SPTB: variants seen among roughly 807,000 people sequenced by gnomAD.
SPTB encodes the protein spectrin beta, erythrocytic, also known as spectrin beta chain, erythrocytic.
A neutral mutation model predicts 256.2 loss-of-function variants in SPTB; 45 were observed. That is an observed-to-expected ratio of 0.18 (90% CI 0.14 to 0.23). SPTB has a LOEUF of 0.23. Ranked by LOEUF, SPTB falls within the 10% of genes least tolerant of loss-of-function variation. SPTB has a pLI of 1.00. For synonymous variants in SPTB, 1,231 were observed against 1,243.1 expected, an observed-to-expected ratio of 0.99 and a Z score of 0.21; for missense variants, 2,715 against 3,040.4, an observed-to-expected ratio of 0.89 and a Z score of 2.52.
chr14:64,764,251 C>G lies in SPTB; in HGVS notation c.6345+2475G>C, dbSNP rs1442370501. 6.6e-6 allele frequency among the ~76,000 whole-genome samples: 1 copy of G among 152,220 alleles called. No homozygotes were observed. The highest frequency in any genetic ancestry group is 2.4e-5 in the African/African-American group (1 of 41,456). On this transcript the variant is annotated intron_variant, in intron 32 of 35. Coordinates refer to ENST00000644917, the MANE Select transcript of SPTB (RefSeq NM_001355436.2). This position sits in a 1 kb window ranked among gnomAD's most constrained non-coding sequence, Gnocchi z 4.2. ...TGGGCTTGCAAGGAGCCTTCTAGAGCCAGGTTGGGCTTTCCCGACAGGCTC... is the reference window on the plus strand; with the variant it reads ...TGGGCTTGCAAGGAGCCTTCTAGAGGCAGGTTGGGCTTTCCCGACAGGCTC...
In SPTB at chr14:64,787,626, T is replaced by A. The variant is rs546006111; in HGVS notation, c.2805-466A>T. Among the ~76,000 whole-genome samples, 3 of 152,096 alleles carry A rather than the reference T, an allele frequency of 2.0e-5. No homozygotes were observed. In the South Asian group the frequency reaches 6.2e-4, roughly 32 times the overall value. On this transcript the variant is annotated intron_variant, in intron 15 of 35. Coordinates refer to ENST00000644917, the MANE Select transcript of SPTB (RefSeq NM_001355436.2). ...AACGTCTCCTAGGGCCTGAAAGAGA[T>A]CACCTTGGATCTAAGAGAAAAGATG...
In SPTB at chr14:64,779,476, C is replaced by T. The variant is rs764867978; in HGVS notation, c.4474-230G>A. Among the ~76,000 whole-genome samples the T allele has an allele frequency of 6.6e-6, 1 of 152,150 alleles. No homozygotes were observed. Among genetic ancestry groups the T allele is most frequent in the Non-Finnish European group, 1.5e-5 (1 of 68,022 alleles). On this transcript the variant is annotated intron_variant, in intron 21 of 35. Coordinates refer to ENST00000644917, the MANE Select transcript of SPTB (RefSeq NM_001355436.2). The surrounding 1 kb of genome is among the most constrained non-coding windows in gnomAD (Gnocchi z 4.2). Reference sequence around the variant, plus strand: ...GTGGGAAGGTAATGTAGCTGGATCTCGAACCCAAGTCTGTCTGACCCAAGT... The same window carrying T: ...GTGGGAAGGTAATGTAGCTGGATCTTGAACCCAAGTCTGTCTGACCCAAGT...
At chr14:64,751,897 C>G (rs2081954918) in intron 33 of SPTB, among the ~76,000 whole-genome samples, 1 of 126,054 alleles carries the variant, frequency 7.9e-6, no homozygotes, top group Non-Finnish European at 1.7e-5. Context: ...GCCTGACCAA[C>G]AAGGTGAAAC....
At position 64,852,391 on chromosome 14, in the gene SPTB, G is replaced by A. The variant is rs1315947017; in HGVS notation, c.-52+27401C>T. ...GCTGGGGGCCAGACAAGGGGAACCT[G>A]AGCAGTGGGGAGTCAGTGAAGGGTG... On this transcript the variant is annotated intron_variant, in intron 1 of 35. Coordinates refer to ENST00000644917, the MANE Select transcript of SPTB (RefSeq NM_001355436.2). The surrounding 1 kb of genome is among the most constrained non-coding windows in gnomAD (Gnocchi z 4.2). Among the ~76,000 whole-genome samples, 1 of 152,194 alleles carries A rather than the reference G, an allele frequency of 6.6e-6. No homozygotes were observed. Among genetic ancestry groups the A allele is most frequent in the Non-Finnish European group, 1.5e-5 (1 of 68,024 alleles).
rs553755523 is a variant in SPTB at position 64,772,606 on chromosome 14, G to A, written c.5527C>T (p.Arg1843Trp). 3.4e-5 allele frequency: 55 copies of A among 1,610,200 alleles called. No homozygotes were observed. Among genetic ancestry groups the A allele is most frequent in the Non-Finnish European group, 4.2e-5 (50 of 1,179,904 alleles). The change falls in exon 26 of 36, where the codon CGG becomes TGG. Residue 1843 changes from arginine to tryptophan, a missense_variant. Arg to Trp is a moderately radical substitution (Grantham distance 101, BLOSUM62 -3). Transcript: ENST00000644917. The surrounding 1 kb of genome is among the most constrained non-coding windows in gnomAD (Gnocchi z 5.4). ...TGGACACCCAGCAGGTGGAGCTCCC[G>A]CTCGAAGGCTGTGTGCACCCGGTGG... ...SFHRVHTAFE[R>W]ELHLLGVQVQ...
chr14:64,765,906 T>G lies in SPTB; in HGVS notation c.6345+820A>C, dbSNP rs554946690. 6.1e-3 allele frequency among the ~76,000 whole-genome samples: 897 copies of G among 147,244 alleles called. 3 individuals are homozygous for G. Among genetic ancestry groups the G allele is most frequent in the African/African-American group, 0.012 (455 of 39,178 alleles). Reference sequence around the variant, plus strand: ...TGCGGTGTGTGCATGTGTGTGTGTGTGGGGGTGTGGTGTGTATGAGTGTGT... The same window carrying G: ...TGCGGTGTGTGCATGTGTGTGTGTGGGGGGGTGTGGTGTGTATGAGTGTGT... On this transcript the variant is annotated intron_variant, in intron 32 of 35. Coordinates refer to ENST00000644917, the MANE Select transcript of SPTB (RefSeq NM_001355436.2).
chr14:64,869,813 T>A (rs191607249), intron 1 of SPTB, among the ~76,000 whole-genome samples: 2 of 144,698 alleles, frequency 1.4e-5, no homozygotes, highest in Admixed American at 1.4e-4. Flanking sequence ...TTAATTTTTG[T>A]AGAGACAGGT....
intron 8 of SPTB, among the ~76,000 whole-genome samples, chr14:64,800,399 T>C (rs2082860584): frequency 6.6e-6 from 1 of 152,264 alleles, no homozygotes; most frequent in African/African-American, 2.4e-5. Context: ...TGAGGGTCTA[T>C]ACCAATGGGT....
intron 10 of SPTB, among the ~76,000 whole-genome samples, chr14:64,797,023 C>T (rs2139608509): frequency 6.6e-6 from 1 of 152,286 alleles, no homozygotes; most frequent in East Asian, 1.9e-4. Context: ...TGACTAATGG[C>T]TACCTCCGTT....
intron 32 of SPTB, 89 bp from the exon 33 acceptor site, chr14:64,753,882 C>T: frequency 2.6e-6 from 4 of 1,540,762 alleles, no homozygotes; most frequent in Admixed American, 1.7e-5. Flanking sequence ...TCAGCAGCCA[C>T]CCTCTCCACA....
intron 15 of SPTB, among the ~76,000 whole-genome samples, chr14:64,791,347 C>G (rs535884508): frequency 6.6e-6 from 1 of 151,954 alleles, no homozygotes; most frequent in Admixed American, 6.6e-5. Flanking sequence ...GTGGGCAGAT[C>G]GCTTGAGGCC....
chr14:64,749,292 G>A lies in SPTB; in HGVS notation c.*14C>T, dbSNP rs1216691672. 3.2e-6 allele frequency: 5 copies of A among 1,579,720 alleles called. No homozygotes were observed. Among genetic ancestry groups the A allele is most frequent in the East Asian group, 2.3e-5 (1 of 43,212 alleles). Reference sequence around the variant, plus strand: ...TGCGCGTCCCGACTCCGCCGCGCCCGCCAGCCCCACCTGCTACTTCTTTTT... The same window carrying A: ...TGCGCGTCCCGACTCCGCCGCGCCCACCAGCCCCACCTGCTACTTCTTTTT... On this transcript the variant is annotated 3_prime_UTR_variant, in exon 36 of 36. Coordinates refer to ENST00000644917, the MANE Select transcript of SPTB (RefSeq NM_001355436.2). This position sits in a 1 kb window ranked among gnomAD's most constrained non-coding sequence, Gnocchi z 4.7.
chr14:64,793,473 G>A lies in SPTB; in HGVS notation c.2190C>T (p.Asp730=). The A allele has an allele frequency of 6.2e-7, 1 of 1,614,128 alleles. No homozygotes were observed. The highest frequency in any genetic ancestry group is 1.3e-5 in the African/African-American group (1 of 75,066). The change falls in exon 14 of 36, where the codon GAC becomes GAT. Residue 730 remains aspartate, a synonymous_variant. Coordinates refer to ENST00000644917, the MANE Select transcript of SPTB (RefSeq NM_001355436.2). The surrounding 1 kb of genome is among the most constrained non-coding windows in gnomAD (Gnocchi z 7.0). ...GGTTCTTCTTGCAGAAGGCAGCCAG[G>A]TCCTTCAGCTGGTCCCACTGTGCCG... ...EVSAQWDQLK[D]LAAFCKKNLQ...
intron 1 of SPTB, among the ~76,000 whole-genome samples, chr14:64,856,928 C>G (rs1199980741): frequency 6.6e-6 from 1 of 152,170 alleles, no homozygotes. Context: ...GGGAAGGGAA[C>G]AAAGTTCTTG....
At chr14:64,762,163 G>A (rs2082104977) in intron 32 of SPTB, among the ~76,000 whole-genome samples, 1 of 152,192 alleles carries the variant, frequency 6.6e-6, no homozygotes, top group Admixed American at 6.5e-5. Flanking sequence ...CAGGCATACT[G>A]GGTAGACAGG....
Position 64,775,796 on chromosome 14 carries a change from T to C in SPTB, c.4564-393A>G, listed in dbSNP as rs2082347581. ...AGGAAAAGAAAAATGGCCTTTTTGA[T>C]ACCTTATTCTAACAGCTTTTGCAGG... On this transcript the variant is annotated intron_variant, in intron 22 of 35. Coordinates refer to ENST00000644917, the MANE Select transcript of SPTB (RefSeq NM_001355436.2). The surrounding 1 kb of genome is among the most constrained non-coding windows in gnomAD (Gnocchi z 5.0). 6.6e-6 allele frequency among the ~76,000 whole-genome samples: 1 copy of C among 152,218 alleles called. No homozygotes were observed. Among genetic ancestry groups the C allele is most frequent in the Admixed American group, 6.5e-5 (1 of 15,284 alleles).
rs2082575706 is a variant in SPTB, at chr14:64,786,662, C to A, written c.3303G>T (p.Gln1101His). ...ESLPEAEQLL[Q>H]QHAGIKDEID... ...TCTCATCCTTGATACCTGCATGCTG[C>A]TGCAGGAGCTGCTCAGCCTCTGGGA... Residue 1101 changes from glutamine to histidine, a missense_variant, in exon 16 of 36, where the codon CAG becomes CAT. Gln to His is a conservative substitution (Grantham distance 24). This residue lies in a region of SPTB where 2,239 missense variants were observed against 2,384.4 expected (regional missense o/e 0.94). Coordinates refer to ENST00000644917, the MANE Select transcript of SPTB (RefSeq NM_001355436.2). This position sits in a 1 kb window ranked among gnomAD's most constrained non-coding sequence, Gnocchi z 5.6. 1 of 1,613,990 alleles carries A rather than the reference C, an allele frequency of 6.2e-7. No individual in the cohort carries two copies. The highest frequency in any genetic ancestry group is 1.7e-5 in the Admixed American group (1 of 60,010).
rs999819099 is a variant in SPTB, at chr14:64,778,557, A to C, written c.4563+600T>G. On this transcript the variant is annotated intron_variant, in intron 22 of 35. Transcript: ENST00000644917. The surrounding 1 kb of genome is among the most constrained non-coding windows in gnomAD (Gnocchi z 5.2). Reference sequence around the variant, plus strand: ...GAGTGCTTGGCATCTGCTCACATCCAGGATCCTGACCAGGGCCACAGGAGT... The same window carrying C: ...GAGTGCTTGGCATCTGCTCACATCCCGGATCCTGACCAGGGCCACAGGAGT... Among the ~76,000 whole-genome samples the C allele has an allele frequency of 1.6e-4, 25 of 152,190 alleles. No individual in the cohort carries two copies. Among genetic ancestry groups the C allele is most frequent in the African/African-American group, 5.5e-4 (23 of 41,446 alleles).
chr14:64,822,152 C>A (rs957117652), intron 2 of SPTB, among the ~76,000 whole-genome samples: 6 of 151,290 alleles, frequency 4.0e-5, no homozygotes, highest in Non-Finnish European at 5.9e-5. Context: ...TCCACACATA[C>A]ACACACAACC....
Sources: gnomAD v4.1 joint callset for allele counts (sites outside exome capture counted in the v4.1 genomes callset) on GRCh38, gnomAD v4.1.1 for gene constraint, gnomAD v4.1.1 regional missense constraint, Gnocchi (gnomAD v3.1) non-coding constraint, MANE v1.5 for transcripts, NCBI Gene and HGNC (gene_info 2026-07-23, HGNC 2026-07-21) for gene names.